Variants in C4orf51 observed in about 807,000 individuals in gnomAD.
C4orf51 encodes the protein chromosome 4 open reading frame 51.
A neutral mutation model predicts 25.2 loss-of-function variants in C4orf51; 25 were observed. That is an observed-to-expected ratio of 0.99 (90% CI 0.72 to 1.39). The LOEUF (loss-of-function observed/expected upper bound fraction) is 1.39. Among genes scored for constraint, C4orf51 ranks in the 40% most tolerant of loss-of-function variants. C4orf51 has a pLI of 0.00. For synonymous variants in C4orf51, 100 were observed against 84.5 expected (o/e 1.18, Z -1.01); for missense variants, 252 against 239.6 (o/e 1.05, Z -0.34).
At chr4:145,787,672 C>T in the C4orf51 span, among the ~76,000 whole-genome samples, 1 of 151,944 alleles carries the variant, frequency 6.6e-6, no homozygotes, top group Non-Finnish European at 1.5e-5. Context: ...AATATGAAAC[C>T]TGTCAAGCAT....
At chr4:145,780,370 A>G in the C4orf51 span, among the ~76,000 whole-genome samples, 1 of 152,250 alleles carries the variant, frequency 6.6e-6, no homozygotes, top group Non-Finnish European at 1.5e-5. Flanking sequence ...TGCTAAGTAG[A>G]ATCAGTGATA....
At chr4:145,731,562 A>ATTTTT (rs1732465657) in intron 5 of C4orf51, among the ~76,000 whole-genome samples, 5 of 93,244 alleles carry the variant, frequency 5.4e-5, no homozygotes, top group East Asian at 3.7e-4. Context: ...GACAAGGCAA[A>ATTTTT]TCTTTTTTTT....
intron 2 of C4orf51, among the ~76,000 whole-genome samples, chr4:145,701,566 G>A (rs1314586730): frequency 4.6e-5 from 7 of 151,680 alleles, no homozygotes; most frequent in Non-Finnish European, 7.4e-5. Flanking sequence ...GAAGACTGAT[G>A]CTGCCCGATC....
intron 1 of C4orf51, among the ~76,000 whole-genome samples, chr4:145,753,140 T>TTTTGTGTG (rs1268939776): frequency 2.7e-5 from 4 of 145,752 alleles, no homozygotes; most frequent in African/African-American, 1.0e-4. Context: ...TATGAAGGTT[T>TTTTGTGTG]TGTGTGTGTG....
At chr4:145,769,991 A>G (rs10023166) in intron 1 of C4orf51, among the ~76,000 whole-genome samples, 146,029 of 152,286 alleles carry the variant, frequency 0.96, 70,083 homozygotes, top group African/African-American at 0.99. Context: ...TTCCATTAAG[A>G]TTAAGAATAA....
intron 1 of C4orf51, among the ~76,000 whole-genome samples, chr4:145,764,183 T>C (rs1734935226): frequency 6.6e-6 from 1 of 152,236 alleles, no homozygotes; most frequent in Admixed American, 6.5e-5. Context: ...CCTTGAAAAC[T>C]GTGTCTTTCT....
chr4:145,765,095 G>A lies in C4orf51; in HGVS notation n.167-5893G>A, dbSNP rs1735080388. The A allele has an allele frequency of 1.2e-6, 2 of 1,614,086 alleles. No homozygotes were observed. Among genetic ancestry groups the A allele is most frequent in the African/African-American group, 2.7e-5 (2 of 74,934 alleles). On this transcript the variant is annotated intron_variant and non_coding_transcript_variant, in intron 1 of 1. Coordinates refer to the C4orf51 transcript ENST00000510096. The surrounding 1 kb of genome is among the most constrained non-coding windows in gnomAD (Gnocchi z 4.7). ...CACACTCAAACATCCGGGTGATGAG[G>A]TGTATCTGCAGATGACGCTCAAACA...
At chr4:145,703,090 T>C (rs1730564526) in intron 2 of C4orf51, among the ~76,000 whole-genome samples, 1 of 151,722 alleles carries the variant, frequency 6.6e-6, no homozygotes, top group East Asian at 1.9e-4. Flanking sequence ...AGCCATCACA[T>C]CCCCTGTGAC....
the C4orf51 span, among the ~76,000 whole-genome samples, chr4:145,789,764 C>T: frequency 6.6e-6 from 1 of 152,228 alleles, no homozygotes; most frequent in Admixed American, 6.5e-5. Context: ...CTGTCTGTTA[C>T]AATCTCGATT....
Position 145,768,894 on chromosome 4 carries a change from T to A in C4orf51, n.167-2094T>A, listed in dbSNP as rs1215261202. 6.5e-3 allele frequency among the ~76,000 whole-genome samples: 78 copies of A among 12,072 alleles called. 2 individuals are homozygous for A. Among genetic ancestry groups the A allele is most frequent in the African/African-American group, 8.3e-3 (34 of 4,112 alleles). The allele number at this position is 12,072 out of a possible 152,430, so 7.9% of individuals were successfully genotyped here. On this transcript the variant is annotated intron_variant and non_coding_transcript_variant, in intron 1 of 1. Transcript: ENST00000510096. ...AAAAAAAAAAAAAAAAAAAAAAATA[T>A]ATATATATATATATATATATATTAG...
At chr4:145,775,796 A>G, downstream of C4orf51, 2 of 1,614,178 alleles carry the variant, frequency 1.2e-6, no homozygotes, top group South Asian at 1.1e-5. Context: ...CACCTGTAAT[A>G]ATAAGGATGT....
intron 1 of C4orf51, among the ~76,000 whole-genome samples, chr4:145,764,121 A>C (rs960777140): frequency 6.6e-6 from 1 of 152,220 alleles, no homozygotes; most frequent in East Asian, 1.9e-4. Flanking sequence ...GTGTTAAGTA[A>C]AATGTAATTT....
chr4:145,694,469 C>T (rs1428460000), intron 1 of C4orf51, among the ~76,000 whole-genome samples: 1 of 101,280 alleles, frequency 9.9e-6, no homozygotes, highest in Non-Finnish European at 2.1e-5. Flanking sequence ...GCCCCTCTGC[C>T]CGGCCAGCCG....
intron 2 of C4orf51, among the ~76,000 whole-genome samples, chr4:145,723,239 T>C (rs1172313959): frequency 3.3e-5 from 5 of 152,150 alleles, no homozygotes; most frequent in African/African-American, 9.7e-5. Context: ...TGCTTCTAAG[T>C]TGTATTGTTC....
At chr4:145,791,965 T>C in the C4orf51 span, among the ~76,000 whole-genome samples, 5 of 151,978 alleles carry the variant, frequency 3.3e-5, no homozygotes, top group African/African-American at 1.2e-4. Context: ...TCCCTTATAC[T>C]GCACACAATT....
chr4:145,750,614 G>T (rs1241009470), intron 1 of C4orf51, among the ~76,000 whole-genome samples: 1 of 151,920 alleles, frequency 6.6e-6, no homozygotes, highest in Non-Finnish European at 1.5e-5. Flanking sequence ...ATGCGTTGAG[G>T]TAGTCTTCTT....
chr4:145,700,211 C>T (rs1387839454), intron 2 of C4orf51, among the ~76,000 whole-genome samples: 1 of 139,652 alleles, frequency 7.2e-6, no homozygotes, highest in Non-Finnish European at 1.6e-5. Flanking sequence ...CCTCTTATCT[C>T]TGTGCCCCAA....
the C4orf51 span, among the ~76,000 whole-genome samples, chr4:145,781,914 G>C: frequency 6.6e-6 from 1 of 152,238 alleles, no homozygotes; most frequent in East Asian, 1.9e-4. Flanking sequence ...AAATAGATAA[G>C]CACCTTAATA....
chr4:145,789,185 G>A, the C4orf51 span, among the ~76,000 whole-genome samples: 8 of 152,218 alleles, frequency 5.3e-5, no homozygotes, highest in East Asian at 1.9e-4. Flanking sequence ...GTGGGTCCTC[G>A]ATATTTTCCT....
Sources: gnomAD v4.1 joint callset for allele counts (sites outside exome capture counted in the v4.1 genomes callset) on GRCh38, gnomAD v4.1.1 for gene constraint, Gnocchi (gnomAD v3.1) non-coding constraint, MANE v1.5 for transcripts, NCBI Gene and HGNC (gene_info 2026-07-23, HGNC 2026-07-21) for gene names.